PLS1: variants seen among roughly 807,000 people sequenced by gnomAD.
PLS1 encodes plastin-1.
A neutral mutation model predicts 73.7 loss-of-function variants in PLS1; 32 were observed. That is an observed-to-expected ratio of 0.43 (90% CI 0.33 to 0.58). The LOEUF (loss-of-function observed/expected upper bound fraction) is 0.58, where lower values mean the gene tolerates loss of function less well. PLS1 is among the 20% of genes least tolerant of loss of function. The pLI is 0.04. For synonymous variants in PLS1, 217 were observed against 261.3 expected (o/e 0.83, Z 1.63); for missense variants, 633 against 740.5 (o/e 0.85, Z 1.68).
Position 142,705,600 on chromosome 3 carries a change from A to G in PLS1, c.1629+1014A>G, listed in dbSNP as rs578006453. On this transcript the variant is annotated intron_variant, in intron 14 of 15. Coordinates refer to ENST00000457734, the MANE Select transcript of PLS1 (RefSeq NM_001145319.2). ...TTTTATTATGTGTGAAAAACTAGCAATAAATTTGTGGTTTTTTTACTGAAA... is the reference window on the plus strand; with the variant it reads ...TTTTATTATGTGTGAAAAACTAGCAGTAAATTTGTGGTTTTTTTACTGAAA... 2.6e-5 allele frequency among the ~76,000 whole-genome samples: 4 copies of G among 152,350 alleles called. No individual in the cohort carries two copies. The South Asian group carries it at 6.2e-4, about 24-fold the overall frequency.
At chr3:142,648,530 A>G (rs1351842541) in intron 1 of PLS1, among the ~76,000 whole-genome samples, 1 of 152,210 alleles carries the variant, frequency 6.6e-6, no homozygotes, top group Admixed American at 6.5e-5. Context: ...AGAATTGGGC[A>G]GCTTGTGTGA....
intron 1 of PLS1, among the ~76,000 whole-genome samples, chr3:142,601,641 C>T (rs561136811): frequency 1.3e-5 from 2 of 152,002 alleles, no homozygotes; most frequent in South Asian, 2.1e-4. Context: ...GCAGTCCTCC[C>T]GCCTCAGCCT....
At chr3:142,671,458 T>C (rs1560060830) in intron 4 of PLS1, among the ~76,000 whole-genome samples, 1 of 152,128 alleles carries the variant, frequency 6.6e-6, no homozygotes, top group Admixed American at 6.6e-5. Context: ...TTTCAATGGC[T>C]TTTCATCCTG....
chr3:142,624,429 A>C (rs891034615), intron 1 of PLS1, among the ~76,000 whole-genome samples: 1 of 152,212 alleles, frequency 6.6e-6, no homozygotes, highest in Non-Finnish European at 1.5e-5. Context: ...AAGCTGTAGC[A>C]GCCTTACCTT....
intron 1 of PLS1, among the ~76,000 whole-genome samples, chr3:142,631,414 AG>A (rs1211135430): frequency 6.6e-6 from 1 of 152,006 alleles, no homozygotes. Context: ...TGAACCTGGG[AG>A]GTGGAGGTTG....
intron 1 of PLS1, among the ~76,000 whole-genome samples, chr3:142,650,021 G>A (rs566752958): frequency 1.3e-5 from 2 of 151,436 alleles, no homozygotes; most frequent in African/African-American, 2.4e-5. Context: ...CTATATATTC[G>A]TTTAGACACT....
At chr3:142,660,134 C>T (rs986227516) in intron 1 of PLS1, among the ~76,000 whole-genome samples, 1 of 152,134 alleles carries the variant, frequency 6.6e-6, no homozygotes, top group South Asian at 2.1e-4. Context: ...AATCTAAAAC[C>T]CTTCTTAGAA....
Position 142,694,487 on chromosome 3 carries a change from G to C in PLS1, c.1196G>C (p.Arg399Thr), listed in dbSNP as rs955773605. The C allele has an allele frequency of 1.2e-6, 2 of 1,604,274 alleles. No individual in the cohort carries two copies. Among genetic ancestry groups the C allele is most frequent in the Non-Finnish European group, 1.7e-6 (2 of 1,171,392 alleles). The change falls in exon 11 of 16, where the codon AGA (arginine) becomes ACA (threonine). Residue 399 changes from arginine to threonine, a missense_variant. Transcript: ENST00000457734. ...ACTCTAGGAGAGAGCAAGGAAGAGA[G>C]AACATTTCGGAACTGGATGAATTCC... ...NLLEGESKEE[R>T]TFRNWMNSLG...
chr3:142,635,179 G>A (rs184424695), intron 1 of PLS1, among the ~76,000 whole-genome samples: 36 of 151,742 alleles, frequency 2.4e-4, no homozygotes, highest in Admixed American at 1.4e-3. Flanking sequence ...TAAAGCAATC[G>A]CTAAAAATGA....
intron 1 of PLS1, among the ~76,000 whole-genome samples, chr3:142,624,396 A>G (rs929889390): frequency 6.6e-6 from 1 of 152,156 alleles, no homozygotes; most frequent in African/African-American, 2.4e-5. Context: ...AAAACTCTAT[A>G]TCTTTACCCT....
rs2037968272 is a variant in PLS1 at position 142,686,460 on chromosome 3, G to A, written c.981+84G>A. ...CCATTTTTATCATTTTCAGTGTTCA[G>A]TTCAGTGGCATTCAGTACATTTGCA... On this transcript the variant is annotated intron_variant, in intron 9 of 15. Transcript: ENST00000457734. 1.1e-4 allele frequency: 91 copies of A among 822,366 alleles called. No individual in the cohort carries two copies. In the South Asian group the frequency reaches 1.3e-3, roughly 11 times the overall value. The allele number at this position is 822,366 out of a possible 1,614,324, so 50.9% of individuals were successfully genotyped here. A position where few individuals can be genotyped will look rare whatever the true frequency, so the allele number is the denominator to read the frequency against.
At chr3:142,622,496 A>G (rs2036336021) in intron 1 of PLS1, among the ~76,000 whole-genome samples, 1 of 152,200 alleles carries the variant, frequency 6.6e-6, no homozygotes, top group Non-Finnish European at 1.5e-5. Flanking sequence ...AAATGGGATC[A>G]TACAGTACTG....
Position 142,703,930 on chromosome 3 carries a change from C to G in PLS1, c.1434C>G (p.Gly478=). ...ACAAGGCCAAATTCTCCTTGGTTGG[C>G]ATTGCTGGGCAGGACCTAAATGAAG... ...GKNKAKFSLV[G]IAGQDLNEGN... The change falls in exon 13 of 16, where the codon GGC becomes GGG. Residue 478 remains glycine (G), a synonymous_variant. Transcript: ENST00000457734. 1 of 1,612,382 alleles carries G rather than the reference C, an allele frequency of 6.2e-7. No individual in the cohort carries two copies. The highest frequency in any genetic ancestry group is 8.5e-7 in the Non-Finnish European group (1 of 1,178,410).
chr3:142,627,287 C>T (rs1328720973), intron 1 of PLS1, among the ~76,000 whole-genome samples: 2 of 151,868 alleles, frequency 1.3e-5, no homozygotes, highest in African/African-American at 4.8e-5. Context: ...CTTTTTTGTA[C>T]TGACATATGC....
rs148973643 is a variant in PLS1, at chr3:142,606,338, C to T, written c.-37+9829C>T. Among the ~76,000 whole-genome samples, 72 of 152,120 alleles carry T rather than the reference C, an allele frequency of 4.7e-4. No individual in the cohort carries two copies. In the East Asian group the frequency reaches 5.0e-3, roughly 11 times the overall value. On this transcript the variant is annotated intron_variant, in intron 1 of 15. Coordinates refer to ENST00000457734, the MANE Select transcript of PLS1 (RefSeq NM_001145319.2). ...TTAAGGGTATTACTAAAGCAAGCAG[C>T]GGGACTTCTCAGAGAAATTAAAGGT... is the stretch of plus-strand genomic sequence containing the variant.
chr3:142,693,192 TG>T (rs1218548367), intron 10 of PLS1, among the ~76,000 whole-genome samples: 1 of 152,184 alleles, frequency 6.6e-6, no homozygotes, highest in Non-Finnish European at 1.5e-5. Context: ...AAGCAGATTC[TG>T]GGAAAGCTGT....
intron 1 of PLS1, among the ~76,000 whole-genome samples, chr3:142,615,151 G>A (rs905374753): frequency 2.0e-5 from 3 of 152,200 alleles, no homozygotes; most frequent in African/African-American, 7.2e-5. Flanking sequence ...TGGCTTAGTT[G>A]TGGGTGGGAA....
At chr3:142,684,230 A>G (rs1371985511) in intron 7 of PLS1, 23 bp from the exon 8 acceptor site, 1 of 1,614,016 alleles carries the variant, frequency 6.2e-7, no homozygotes, top group Non-Finnish European at 8.5e-7. Flanking sequence ...GGAAGAATTT[A>G]CATTTCGCTG....
intron 3 of PLS1, 75 bp downstream of exon 3, chr3:142,669,628 T>C: frequency 4.1e-6 from 4 of 977,720 alleles, no homozygotes; most frequent in Non-Finnish European, 6.0e-6. Flanking sequence ...TCACTAGCTT[T>C]GGTTAAATCC....
Sources: gnomAD v4.1 joint callset for allele counts (sites outside exome capture counted in the v4.1 genomes callset) on GRCh38, gnomAD v4.1.1 for gene constraint, MANE v1.5 for transcripts, NCBI Gene and HGNC (gene_info 2026-07-23, HGNC 2026-07-21) for gene names.